KCNG1: variants seen among roughly 807,000 people sequenced by gnomAD.
KCNG1 encodes voltage-gated potassium channel regulatory subunit KCNG1.
KCNG1 carries 17 observed loss-of-function variants against 32.4 expected under a neutral mutation model. That is an observed-to-expected ratio of 0.52 (90% CI 0.36 to 0.79). The LOEUF (loss-of-function observed/expected upper bound fraction) is 0.79, where lower values mean the gene tolerates loss of function less well. Among genes scored for constraint, KCNG1 ranks in the 30% least tolerant of loss-of-function variants. KCNG1 has a pLI of 0.00. For missense variants in KCNG1, 441 were observed against 735.2 expected (o/e 0.60, Z 4.63); for synonymous variants, 358 against 339.9 (o/e 1.05, Z -0.59).
At chr20:51,021,643 G>A (rs554225110) in intron 1 of KCNG1, among the ~76,000 whole-genome samples, 1 of 152,308 alleles carries the variant, frequency 6.6e-6, no homozygotes, top group South Asian at 2.1e-4. Context: ...ATCTCAGGGA[G>A]TCAGCAAAGG....
intron 1 of KCNG1, among the ~76,000 whole-genome samples, chr20:51,018,508 C>T (rs1988358984): frequency 6.6e-6 from 1 of 152,130 alleles, no homozygotes; most frequent in Non-Finnish European, 1.5e-5. Context: ...CTCTCTGGAC[C>T]CTGTTCTTTC....
At chr20:51,012,083 A>G (rs1449191761) in intron 1 of KCNG1, among the ~76,000 whole-genome samples, 1 of 152,142 alleles carries the variant, frequency 6.6e-6, no homozygotes, top group South Asian at 2.1e-4. Flanking sequence ...GTGAGCTACC[A>G]CGCCCGGCCT....
chr20:51,016,230 A>G (rs1467576681), intron 1 of KCNG1, among the ~76,000 whole-genome samples: 1 of 152,130 alleles, frequency 6.6e-6, no homozygotes, highest in Non-Finnish European at 1.5e-5. Flanking sequence ...TGAGGCCAGG[A>G]GTTTGAGTCC....
In KCNG1 at chr20:51,009,942, C is replaced by A; in HGVS notation, c.397G>T (p.Ala133Ser). Residue 133 changes from alanine to serine, a missense_variant, in exon 2 of 3, where the codon GCG becomes TCG. Physicochemically the swap from Ala to Ser is moderately conservative, Grantham distance 99 (BLOSUM62 1). Around this residue, in one of 6 missense-constraint regions of KCNG1, gnomAD observed 70 missense variants for 158.4 expected, o/e 0.44. Coordinates refer to ENST00000371571, the MANE Select transcript of KCNG1 (RefSeq NM_002237.4). ...AFGTILTFLR[A>S]GKLRLLREMC... ...TCGCGCAGCAGCCGCAGCTTGCCCG[C>A]GCGCAGGAAGGTCAGGATAGTGCCG... 1 of 1,613,880 alleles carries A rather than the reference C, an allele frequency of 6.2e-7. No individual in the cohort carries two copies. Among genetic ancestry groups the A allele is most frequent in the Non-Finnish European group, 8.5e-7 (1 of 1,179,968 alleles).
intron 1 of KCNG1, among the ~76,000 whole-genome samples, chr20:51,020,172 G>A (rs1988423874): frequency 6.6e-6 from 1 of 152,234 alleles, no homozygotes; most frequent in Admixed American, 6.5e-5. Flanking sequence ...TGTGCTGCAG[G>A]CAAGCAAAAT....
chr20:51,010,335 T>A lies in KCNG1; in HGVS notation c.4A>T (p.Thr2Ser). 2 of 1,502,590 alleles carry A rather than the reference T, an allele frequency of 1.3e-6. No homozygotes were observed. Among genetic ancestry groups the A allele is most frequent in the Non-Finnish European group, 1.8e-6 (2 of 1,134,680 alleles). 93.1% of individuals were successfully genotyped at this position (1,502,590 alleles called of 1,614,324 possible). A position where few individuals can be genotyped will look rare whatever the true frequency, so the allele number is the denominator to read the frequency against. Residue 2 changes from threonine to serine, a missense_variant, in exon 2 of 3, where the codon ACC (threonine) becomes TCC (serine). This residue lies in a region of KCNG1 where 85 missense variants were observed against 98.2 expected (regional missense o/e 0.87). Transcript: ENST00000371571. The stretch of plus-strand genomic sequence containing the variant: ...TCAGAATTGTCTCCCGGTAAGAGGG[T>A]CATTTTGGGCCTTCACATCCCTCTC... M[T>S]LLPGDNSDYD...
chr20:51,017,676 G>A (rs1194201794), intron 1 of KCNG1, among the ~76,000 whole-genome samples: 1 of 152,180 alleles, frequency 6.6e-6, no homozygotes, highest in Non-Finnish European at 1.5e-5. Context: ...GTCTGAAGGG[G>A]AGGCCCAGGA....
chr20:51,016,158 C>A (rs545076789), intron 1 of KCNG1, among the ~76,000 whole-genome samples: 2 of 152,156 alleles, frequency 1.3e-5, no homozygotes, highest in Non-Finnish European at 2.9e-5. Flanking sequence ...ATGCTGAGGC[C>A]AGGCATGGTG....
chr20:51,016,026 C>T (rs572566435), intron 1 of KCNG1, among the ~76,000 whole-genome samples: 4 of 152,208 alleles, frequency 2.6e-5, no homozygotes, highest in South Asian at 4.2e-4. Flanking sequence ...TGCCAATACT[C>T]GATATTAGCC....
At position 51,009,592 on chromosome 20, in the gene KCNG1, C is replaced by T. The variant is rs1987977581; in HGVS notation, c.747G>A (p.Leu249=). 6.2e-7 allele frequency: 1 copy of T among 1,608,470 alleles called. No homozygotes were observed. ...VTAVNLSVST[L]PSLREEEEQG... is the part of the protein sequence containing the mutation. ...GCTCCTCCTCCTCCCTCAGGCTGGG[C>T]AAGGTGCTGACGGAGAGGTTGACGG... The change falls in exon 2 of 3, where the codon TTG becomes TTA. Residue 249 remains leucine (L), a synonymous_variant. Transcript: ENST00000371571.
chr20:51,016,437 G>GA lies in KCNG1; in HGVS notation c.-26-6074dup, dbSNP rs372231680. Among the ~76,000 whole-genome samples the GA allele has an allele frequency of 3.3e-4, 48 of 147,222 alleles. No individual in the cohort carries two copies. In the South Asian group the frequency reaches 6.1e-3, roughly 19 times the overall value. ...GGGCGACAGAGTGAGACTCTGTCTT[G>GA]AAAAAAAAAAGGGGATGTTGAAAAA... On this transcript the variant is annotated intron_variant, in intron 1 of 2. Coordinates refer to ENST00000371571, the MANE Select transcript of KCNG1 (RefSeq NM_002237.4).
rs548363128 is a variant in KCNG1, at chr20:51,010,185, G to C, written c.154C>G (p.Pro52Ala). 3.1e-5 allele frequency: 49 copies of C among 1,600,488 alleles called. No homozygotes were observed. The African/African-American group carries it at 4.7e-4, about 15-fold the overall frequency. The change falls in exon 2 of 3, where the codon CCC (proline) becomes GCC (alanine). Residue 52 changes from proline (P) to alanine (A), a missense_variant. Physicochemically the swap from Pro to Ala is conservative, Grantham distance 27. Transcript: ENST00000371571. ...RAQRLRPQDE[P>A]RQGCQPEDRR... Reference sequence around the variant, plus strand: ...TCCTCGGGCTGACAGCCCTGGCGGGGCTCATCCTGCGGCCGCAGCCGCTGC... The same window carrying C: ...TCCTCGGGCTGACAGCCCTGGCGGGCCTCATCCTGCGGCCGCAGCCGCTGC...
intron 1 of KCNG1, among the ~76,000 whole-genome samples, chr20:51,021,135 G>T (rs1988465827): frequency 6.6e-6 from 1 of 152,246 alleles, no homozygotes; most frequent in Non-Finnish European, 1.5e-5. Flanking sequence ...CTCAGGAGAA[G>T]AACCTAGGTT....
At chr20:51,017,346 A>G (rs966051542) in intron 1 of KCNG1, among the ~76,000 whole-genome samples, 1 of 152,254 alleles carries the variant, frequency 6.6e-6, no homozygotes, top group Non-Finnish European at 1.5e-5. Context: ...TATGTAAATG[A>G]ACACACACAC....
intron 2 of KCNG1, 132 bp downstream of exon 2, chr20:51,009,433 C>T: frequency 9.1e-7 from 1 of 1,098,716 alleles, no homozygotes; most frequent in Non-Finnish European, 1.3e-6. Context: ...CACAAACATT[C>T]CTGATGTCAG....
Position 51,004,565 on chromosome 20 carries a change from C to A in KCNG1, c.1016G>T (p.Gly339Val). ...GAGNSYLDKVGLVLRVLRALR... is the reference protein window; with the variant it reads ...GAGNSYLDKVVLVLRVLRALR... ...CGCCCGCAGCACGCGCAGCACCAGC[C>A]CCACCTTGTCCAGGTAGCTGTTGCC... The change falls in exon 3 of 3, where the codon GGG becomes GTG. Residue 339 changes from glycine (G) to valine (V), a missense_variant. This residue lies in a region of KCNG1 where 169 missense variants were observed against 297.7 expected (regional missense o/e 0.57). Transcript: ENST00000371571. The surrounding 1 kb of genome is among the most constrained non-coding windows in gnomAD (Gnocchi z 4.3). 1 of 1,584,374 alleles carries A rather than the reference C, an allele frequency of 6.3e-7. No individual in the cohort carries two copies. The highest frequency in any genetic ancestry group is 8.6e-7 in the Non-Finnish European group (1 of 1,165,454).
chr20:51,018,545 G>A (rs967577082), intron 1 of KCNG1, among the ~76,000 whole-genome samples: 5 of 152,268 alleles, frequency 3.3e-5, no homozygotes, highest in Admixed American at 6.5e-5. Flanking sequence ...TCCCTCTTCC[G>A]AGTGGCAGCG....
At chr20:51,008,498 T>TG (rs1282630141) in intron 2 of KCNG1, among the ~76,000 whole-genome samples, 1 of 59,334 alleles carries the variant, frequency 1.7e-5, no homozygotes, top group Admixed American at 2.0e-4. Flanking sequence ...CCTGGCTAAT[T>TG]AAATTTTTTT....
In KCNG1 at chr20:51,005,721, G is replaced by C. The variant is rs1299245946; in HGVS notation, c.775-915C>G. ...GCCTCTCTGGTCTGGAATATAATTG[G>C]GTGGTAAACAGTCCTTTAGTGGATT... is the stretch of plus-strand genomic sequence containing the variant. On this transcript the variant is annotated intron_variant, in intron 2 of 2. Transcript: ENST00000371571. This position sits in a 1 kb window ranked among gnomAD's most constrained non-coding sequence, Gnocchi z 4.0. 6.6e-6 allele frequency: 1 copy of C among 152,186 alleles called. No homozygotes were observed. The highest frequency in any genetic ancestry group is 2.4e-5 in the African/African-American group (1 of 41,430). The allele number at this position is 152,186 out of a possible 1,614,324, so 9.4% of individuals were successfully genotyped here. A position where few individuals can be genotyped will look rare whatever the true frequency, so the allele number is the denominator to read the frequency against.
Sources: gnomAD v4.1 joint callset for allele counts (sites outside exome capture counted in the v4.1 genomes callset) on GRCh38, gnomAD v4.1.1 for gene constraint, gnomAD v4.1.1 regional missense constraint, Gnocchi (gnomAD v3.1) non-coding constraint, MANE v1.5 for transcripts, NCBI Gene and HGNC (gene_info 2026-07-23, HGNC 2026-07-21) for gene names.